NANS: variants seen among roughly 807,000 people sequenced by gnomAD.
NANS encodes the protein N-acetylneuraminate synthase.
NANS carries 29 observed loss-of-function variants against 33.3 expected under a neutral mutation model. The ratio of observed to expected loss-of-function variants is 0.87; its 90% confidence interval spans 0.65 to 1.19. The LOEUF (loss-of-function observed/expected upper bound fraction) is 1.19, where lower values mean the gene tolerates loss of function less well. Among genes scored for constraint, NANS ranks in the 50% most tolerant of loss-of-function variants. The pLI, the probability that NANS is intolerant of heterozygous loss-of-function variation, is 0.00. For synonymous variants in NANS, 163 were observed against 177.2 expected (o/e 0.92, Z 0.64); for missense variants, 394 against 461.1 (o/e 0.85, Z 1.33).
At position 98,060,803 on chromosome 9, in the gene NANS, A is replaced by G. The variant is rs1243137403; in HGVS notation, c.154A>G (p.Lys52Glu). ...MAKECGADCA[K>E]FQKSELEFKF... ...GTAGGAGTGTGGGGCTGATTGTGCT[A>G]AGTTCCAGAAGAGTGAGCTAGAATT... Residue 52 changes from lysine (K) to glutamate (E), a missense_variant, in exon 2 of 6, where the codon AAG (lysine) becomes GAG (glutamate). Physicochemically the swap from Lys to Glu is moderately conservative, Grantham distance 56. Transcript: ENST00000210444. 3 of 1,614,190 alleles carry G rather than the reference A, an allele frequency of 1.9e-6. No individual in the cohort carries two copies. The highest frequency in any genetic ancestry group is 1.7e-6 in the Non-Finnish European group (2 of 1,180,012).
At chr9:98,059,083 G>A (rs969007856) in intron 1 of NANS, among the ~76,000 whole-genome samples, 1 of 152,034 alleles carries the variant, frequency 6.6e-6, no homozygotes, top group African/African-American at 2.4e-5. Flanking sequence ...GAGTGCAGTG[G>A]CGTGATCTCG....
intron 2 of NANS, chr9:98,069,590 C>CGT (rs1362818893): frequency 1.3e-5 from 2 of 152,230 alleles, no homozygotes; most frequent in African/African-American, 4.8e-5. Context: ...ACTATTGATG[C>CGT]GTGCAGCAGC....
rs560187290 is a variant in NANS at position 98,073,810 on chromosome 9, T to TATTTTTTGTTTTGTCACCC, written c.349-3106_349-3088dup. Among the ~76,000 whole-genome samples, 361 of 129,930 alleles carry TATTTTTTGTTTTGTCACCC rather than the reference T, an allele frequency of 2.8e-3. 1 individual carries two copies. The highest frequency in any genetic ancestry group is 0.013 in the African/African-American group (350 of 26,652). The allele number at this position is 129,930 out of a possible 152,430, so 85.2% of individuals were successfully genotyped here. On this transcript the variant is annotated intron_variant, in intron 2 of 5. Coordinates refer to ENST00000210444, the MANE Select transcript of NANS (RefSeq NM_018946.4). ...AGAATCAATAAAGGGTTTTTTGGTT[T>TATTTTTTGTTTTGTCACCC]ATTTTTTGTTTTGTCACCCAGGCTG...
chr9:98,059,516 GC>G (rs1302165522), intron 1 of NANS, among the ~76,000 whole-genome samples: 2 of 152,144 alleles, frequency 1.3e-5, no homozygotes, highest in African/African-American at 4.8e-5. Flanking sequence ...TGGGGATCAA[GC>G]GATCCTCCCC....
chr9:98,081,816 T>TG (rs970455747), intron 5 of NANS: 2 of 152,190 alleles, frequency 1.3e-5, no homozygotes, highest in African/African-American at 2.4e-5. Flanking sequence ...TTTATTCTAG[T>TG]GGGGCCTACC....
At chr9:98,070,266 T>TCC (rs1564159824) in intron 2 of NANS, among the ~76,000 whole-genome samples, 1 of 151,976 alleles carries the variant, frequency 6.6e-6, no homozygotes, top group Non-Finnish European at 1.5e-5. Flanking sequence ...TACAGGTGTA[T>TCC]GCCACCATGC....
At position 98,073,505 on chromosome 9, in the gene NANS, A is replaced by G. The variant is rs140062462; in HGVS notation, c.349-3413A>G. 6.4e-3 allele frequency among the ~76,000 whole-genome samples: 960 copies of G among 150,958 alleles called. 6 individuals are homozygous for G. The highest frequency in any genetic ancestry group is 0.022 in the African/African-American group (907 of 41,200). ...TCACCATGTTGGCCAGGCTGGTGTC[A>G]AACTCCTGACCTCGTGATCTGCCCG... On this transcript the variant is annotated intron_variant, in intron 2 of 5. Transcript: ENST00000210444.
chr9:98,075,365 A>G (rs1045577741), intron 2 of NANS: 3 of 149,948 alleles, frequency 2.0e-5, no homozygotes, highest in Admixed American at 6.7e-5. Flanking sequence ...GAGAAAGGTG[A>G]AGGAAGGGAG....
intron 1 of NANS, among the ~76,000 whole-genome samples, chr9:98,058,284 A>G (rs1479010045): frequency 6.6e-6 from 1 of 152,206 alleles, no homozygotes; most frequent in African/African-American, 2.4e-5. Context: ...CTTTACAAAA[A>G]TAACATTGCT....
In NANS at chr9:98,077,346, A is replaced by G. The variant is rs557438606; in HGVS notation, c.448+329A>G. The stretch of plus-strand genomic sequence containing the variant: ...ATGAATTAAGAATATGACAGTTTTT[A>G]TAAGACATTTAGAAATTCTTTTTAA... On this transcript the variant is annotated intron_variant, in intron 3 of 5. Coordinates refer to ENST00000210444, the MANE Select transcript of NANS (RefSeq NM_018946.4). Among the ~76,000 whole-genome samples, 56 of 151,686 alleles carry G rather than the reference A, an allele frequency of 3.7e-4. 1 individual carries two copies. The highest frequency in any genetic ancestry group is 2.9e-4 in the Non-Finnish European group (20 of 67,910).
chr9:98,061,246 G>C, intron 2 of NANS: 2 of 466,148 alleles, frequency 4.3e-6, no homozygotes, highest in South Asian at 4.8e-5. Flanking sequence ...GGAGACTGAG[G>C]GGGATGGATC....
intron 5 of NANS, among the ~76,000 whole-genome samples, 190 bp from the exon 6 acceptor site, chr9:98,082,656 T>C (rs919516854): frequency 6.6e-6 from 1 of 152,208 alleles, no homozygotes; most frequent in Admixed American, 6.5e-5. Context: ...CCTCTGAGTC[T>C]CTGAATTCAA....
intron 4 of NANS, 101 bp downstream of exon 4, chr9:98,078,448 A>T: frequency 1.4e-6 from 2 of 1,397,444 alleles, no homozygotes; most frequent in Non-Finnish European, 2.0e-6. Flanking sequence ...ATACTTTATA[A>T]TTTGAACATC....
At chr9:98,072,689 G>T (rs1207443374) in intron 2 of NANS, among the ~76,000 whole-genome samples, 1 of 152,140 alleles carries the variant, frequency 6.6e-6, no homozygotes, top group African/African-American at 2.4e-5. Flanking sequence ...GATTATAGGC[G>T]GGAGCCACCG....
At chr9:98,057,134 T>C (rs1271807898) in intron 1 of NANS, among the ~76,000 whole-genome samples, 194 bp downstream of exon 1, 2 of 152,240 alleles carry the variant, frequency 1.3e-5, no homozygotes, top group African/African-American at 2.4e-5. Context: ...CTTTCTGCAT[T>C]ACAGCAGCTG....
chr9:98,066,078 C>T (rs1045150973), intron 2 of NANS, among the ~76,000 whole-genome samples: 1 of 152,224 alleles, frequency 6.6e-6, no homozygotes, highest in Non-Finnish European at 1.5e-5. Flanking sequence ...CCTCCTCCTC[C>T]ATAGTTGCTT....
chr9:98,063,144 T>A (rs1288029681), intron 2 of NANS, among the ~76,000 whole-genome samples: 1 of 151,924 alleles, frequency 6.6e-6, no homozygotes, highest in Admixed American at 6.6e-5. Context: ...GCCAGGCTGA[T>A]CTCAAACTCC....
chr9:98,080,850 GGTA>G lies in NANS; in HGVS notation c.639_641del (p.Tyr214del). On this transcript the variant is annotated inframe_deletion, in exon 5 of 6. Coordinates refer to ENST00000210444, the MANE Select transcript of NANS (RefSeq NM_018946.4). ...AAGCTCTTTCCTGACATTCCCATAG[GGTA>G]TTCTGGGCATGAAACAGGCATAGCG... The G allele has an allele frequency of 6.2e-7, 1 of 1,607,904 alleles. No individual in the cohort carries two copies. The highest frequency in any genetic ancestry group is 8.5e-7 in the Non-Finnish European group (1 of 1,175,300).
In NANS at chr9:98,081,069, C is replaced by A; in HGVS notation, c.857C>A (p.Ala286Asp). 1 of 1,614,080 alleles carries A rather than the reference C, an allele frequency of 6.2e-7. No individual in the cohort carries two copies. Among genetic ancestry groups the A allele is most frequent in the Non-Finnish European group, 8.5e-7 (1 of 1,180,018 alleles). ...AAGCAGCTGCTGCCCTGTGAGATGG[C>A]CTGCAATGAGAAGGTGTGTCCTGCC... ...PTKQLLPCEM[A>D]CNEKLGKSVV... Residue 286 changes from alanine to aspartate, a missense_variant, in exon 5 of 6, where the codon GCC (alanine) becomes GAC (aspartate). Transcript: ENST00000210444.
Sources: allele counts gnomAD v4.1 joint callset (sites outside exome capture counted in the v4.1 genomes callset), GRCh38; gene constraint gnomAD v4.1.1; transcripts MANE v1.5; gene names NCBI Gene and HGNC (gene_info 2026-07-23, HGNC 2026-07-21).